The following NRG4 variants were observed in gnomAD, a reference collection of about 807,000 sequenced individuals.
NRG4 encodes the protein neuregulin 4, also known as pro-neuregulin-4, membrane-bound isoform.
NRG4 carries 10 observed loss-of-function variants against 15.0 expected under a neutral mutation model. The ratio of observed to expected loss-of-function variants is 0.67; its 90% CI spans 0.41 to 1.13. The LOEUF is 1.13. Among genes scored for constraint, NRG4 ranks in the 50% most tolerant of loss-of-function variants. The probability of loss-of-function intolerance (pLI) is 0.00; values close to 1 mark genes in which losing one functional copy is unlikely to be tolerated. For missense variants in NRG4, 139 were observed against 140.2 expected, an observed-to-expected ratio of 0.99 and a Z score of 0.04; for synonymous variants, 41 against 50.1, an observed-to-expected ratio of 0.82 and a Z score of 0.77.
chr15:75,970,602 A>G (rs1304232130), intron 3 of NRG4, among the ~76,000 whole-genome samples: 1 of 152,182 alleles, frequency 6.6e-6, no homozygotes, highest in Non-Finnish European at 1.5e-5. Context: ...TTACCAGGTC[A>G]CTCTCGATAA....
At chr15:75,999,952 C>G in intron 3 of NRG4, among the ~76,000 whole-genome samples, 1 of 152,152 alleles carries the variant, frequency 6.6e-6, no homozygotes, top group East Asian at 1.9e-4. Flanking sequence ...AGCATGATCT[C>G]GGCTCACTGC....
At chr15:76,054,386 C>T (rs545488163) in intron 2 of NRG4, among the ~76,000 whole-genome samples, 2 of 152,092 alleles carry the variant, frequency 1.3e-5, no homozygotes, top group East Asian at 3.9e-4. Flanking sequence ...TCACTGCACC[C>T]AGCCAGAGGG....
At chr15:76,017,155 C>CTTTTTTTTTTTTTTT (rs66838505), upstream of NRG4, among the ~76,000 whole-genome samples, 19 of 52,316 alleles carry the variant, frequency 3.6e-4, no homozygotes, top group East Asian at 8.9e-4. Flanking sequence ...CAACCCCTGC[C>CTTTTTTTTTTTTTTT]TTTTTTTTTT....
chr15:76,002,622 T>C (rs75387911), intron 3 of NRG4, among the ~76,000 whole-genome samples: 2,606 of 152,168 alleles, frequency 0.017, 70 homozygotes, highest in African/African-American at 0.059. Flanking sequence ...AAGATACAGA[T>C]AGGTTAAAAG....
intron 5 of NRG4, among the ~76,000 whole-genome samples, chr15:75,952,597 T>A (rs1047054523): frequency 6.0e-5 from 9 of 150,822 alleles, no homozygotes; most frequent in Non-Finnish European, 1.2e-4. Flanking sequence ...TCAAAGTTTT[T>A]TTTTTTTTAA....
chr15:75,978,239 C>G (rs997553476), intron 3 of NRG4, among the ~76,000 whole-genome samples: 2 of 152,210 alleles, frequency 1.3e-5, no homozygotes, highest in Non-Finnish European at 2.9e-5. Flanking sequence ...CCATATTCAA[C>G]TCTCTACCTC....
In NRG4 at chr15:75,961,864, A is replaced by G. The variant is rs376531728; in HGVS notation, c.215T>C (p.Val72Ala). The G allele has an allele frequency of 1.9e-6, 3 of 1,613,730 alleles. No homozygotes were observed. The African/African-American group carries it at 4.0e-5, about 22-fold the overall frequency. The change falls in exon 4 of 6, where the codon GTA (valine) becomes GCA (alanine). Residue 72 changes from valine to alanine, a missense_variant. Val to Ala is a moderately conservative substitution (Grantham distance 64, BLOSUM62 0). Coordinates refer to ENST00000394907, the MANE Select transcript of NRG4 (RefSeq NM_138573.4). ...GTAGAAGGCTCCAATGATAAGTGTT[A>G]CTAGGACCGCCAATGCCACAAAAGC... ...FEAFVALAVL[V>A]TLIIGAFYFL...
chr15:75,990,061 A>G (rs1434574972), intron 3 of NRG4, among the ~76,000 whole-genome samples: 2 of 152,038 alleles, frequency 1.3e-5, no homozygotes, highest in Non-Finnish European at 2.9e-5. Context: ...AGGACACTTC[A>G]CTCTAGCTAG....
upstream of NRG4, among the ~76,000 whole-genome samples, chr15:76,013,779 T>C (rs2141916204): frequency 6.6e-6 from 1 of 152,328 alleles, no homozygotes; most frequent in Non-Finnish European, 1.5e-5. Flanking sequence ...TCTTTGCTAT[T>C]GTGAACAGTG....
chr15:76,047,138 A>G lies in NRG4; in HGVS notation c.-105+4929T>C, dbSNP rs958700045. On this transcript the variant is annotated intron_variant, in intron 4 of 8. Transcript: ENST00000563910. ...TCATCAATAAAAGATACTGGTGGGG[A>G]TGTAGAGAAGGGAAAGCCCTCATAT... Among the ~76,000 whole-genome samples, 13 of 150,982 alleles carry G rather than the reference A, an allele frequency of 8.6e-5. 1 individual carries two copies. Among genetic ancestry groups the G allele is most frequent in the Middle Eastern group, 3.4e-3 (1 of 294 alleles).
In NRG4 at chr15:75,945,343, C is replaced by T. The variant is rs545628336; in HGVS notation, c.332-1689G>A. On this transcript the variant is annotated intron_variant, in intron 5 of 5. Transcript: ENST00000394907. ...ATCTCAGCTCACTGCAACCTCCGCT[C>T]GGGTTCAAGCTATTGTCCTGCCTTA... Among the ~76,000 whole-genome samples the T allele has an allele frequency of 1.8e-4, 28 of 151,636 alleles. No homozygotes were observed. In the South Asian group the frequency reaches 4.2e-3, roughly 23 times the overall value.
chr15:76,018,305 C>T (rs1173539303), intron 5 of NRG4, among the ~76,000 whole-genome samples: 1 of 152,028 alleles, frequency 6.6e-6, no homozygotes, highest in Non-Finnish European at 1.5e-5. Flanking sequence ...TTGTTATTAC[C>T]CACCTTCTGA....
At chr15:76,047,217 C>T (rs1217405672) in intron 4 of NRG4, among the ~76,000 whole-genome samples, 2 of 150,742 alleles carry the variant, frequency 1.3e-5, no homozygotes, top group East Asian at 3.9e-4. Flanking sequence ...AGTATGGCGG[C>T]TTCTCAAAAG....
intron 4 of NRG4, among the ~76,000 whole-genome samples, chr15:75,958,259 T>G (rs531095213): frequency 4.6e-4 from 70 of 152,170 alleles, no homozygotes; most frequent in African/African-American, 1.6e-3. Context: ...TGATCCGCCC[T>G]CCTCGGCCTC....
intron 3 of NRG4, among the ~76,000 whole-genome samples, chr15:75,981,940 C>T (rs2033624732): frequency 6.6e-6 from 1 of 151,596 alleles, no homozygotes; most frequent in African/African-American, 2.4e-5. Context: ...AAAAATCACC[C>T]CCAAAGAAAC....
intron 4 of NRG4, among the ~76,000 whole-genome samples, chr15:76,039,809 A>G (rs1469285465): frequency 1.3e-5 from 2 of 152,144 alleles, no homozygotes; most frequent in East Asian, 3.9e-4. Context: ...GGGAGGCTAA[A>G]GCCTCCCAAA....
intron 3 of NRG4, among the ~76,000 whole-genome samples, chr15:75,970,416 C>A (rs1037173375): frequency 6.6e-6 from 1 of 152,204 alleles, no homozygotes; most frequent in African/African-American, 2.4e-5. Flanking sequence ...TTTGTTTTAT[C>A]ACCTGACAAA....
chr15:75,955,540 C>T (rs1414703725), intron 5 of NRG4, among the ~76,000 whole-genome samples: 7 of 152,158 alleles, frequency 4.6e-5, no homozygotes, highest in African/African-American at 4.8e-5. Context: ...AGTCTCAAGA[C>T]AATTTTAAAA....
At position 75,977,694 on chromosome 15, in the gene NRG4, T is replaced by C. The variant is rs1470812715; in HGVS notation, c.105-15720A>G. ...ATAAGCCGGGTACTTCAGTTGGAAA[T>C]GCAGAAATCACCTGCCTTCTGCATT... On this transcript the variant is annotated intron_variant, in intron 3 of 5. Coordinates refer to ENST00000394907, the MANE Select transcript of NRG4 (RefSeq NM_138573.4). The surrounding 1 kb of genome is among the most constrained non-coding windows in gnomAD (Gnocchi z 4.9). Among the ~76,000 whole-genome samples the C allele has an allele frequency of 1.3e-5, 2 of 152,158 alleles. No individual in the cohort carries two copies. Among genetic ancestry groups the C allele is most frequent in the African/African-American group, 4.8e-5 (2 of 41,450 alleles).
Sources: gnomAD v4.1 joint callset for allele counts (sites outside exome capture counted in the v4.1 genomes callset) on GRCh38, gnomAD v4.1.1 for gene constraint, Gnocchi (gnomAD v3.1) non-coding constraint, MANE v1.5 for transcripts, NCBI Gene and HGNC (gene_info 2026-07-23, HGNC 2026-07-21) for gene names.